The following MAPK13 variants were observed in gnomAD, a reference collection of about 807,000 sequenced individuals.
MAPK13 encodes the protein mitogen-activated protein kinase 13, also known as MAP kinase 13.
Under a neutral mutation model 53.5 loss-of-function variants are expected in MAPK13, and 39 were observed. That is an observed-to-expected ratio of 0.73 (90% CI 0.56 to 0.95). MAPK13 has a LOEUF of 0.95. Among genes scored for constraint, MAPK13 ranks in the 40% least tolerant of loss-of-function variants. The probability of loss-of-function intolerance (pLI) is 0.00; values close to 1 mark genes in which losing one functional copy is unlikely to be tolerated. For missense variants in MAPK13, 460 were observed against 471.8 expected (o/e 0.98, Z 0.23); for synonymous variants, 179 against 190.9 (o/e 0.94, Z 0.51).
At chr6:36,131,888 A>G (rs570363990) in intron 2 of MAPK13, among the ~76,000 whole-genome samples, 1 of 152,312 alleles carries the variant, frequency 6.6e-6, no homozygotes, top group South Asian at 2.1e-4. Context: ...AGGCTCACAG[A>G]TTAGATGGTT....
chr6:36,136,061 T>G lies in MAPK13; in HGVS notation c.447+13T>G, dbSNP rs1048157304. ...GGTCGTGCACAGGGTGAGTGCTTTC[T>G]CTGCCATGGTCCTCAGAGGCCCCTG... On this transcript the variant is annotated intron_variant, in intron 5 of 11. Transcript: ENST00000211287. 1.9e-6 allele frequency: 3 copies of G among 1,614,058 alleles called. No homozygotes were observed. The highest frequency in any genetic ancestry group is 1.1e-5 in the South Asian group (1 of 91,080).
chr6:36,135,530 G>A (rs1040071548), intron 3 of MAPK13, among the ~76,000 whole-genome samples: 1 of 152,200 alleles, frequency 6.6e-6, no homozygotes, highest in Non-Finnish European at 1.5e-5. Context: ...CAACTGCAGC[G>A]CTTACTCCGA....
At position 36,140,671 on chromosome 6, in the gene MAPK13, T is replaced by G. The variant is rs770293036; in HGVS notation, c.*1298T>G. The G allele has an allele frequency of 2.6e-5, 4 of 152,634 alleles. No homozygotes were observed. The highest frequency in any genetic ancestry group is 4.8e-5 in the African/African-American group (2 of 41,442). 9.5% of individuals were successfully genotyped at this position (152,634 alleles called of 1,614,324 possible). A position where few individuals can be genotyped will look rare whatever the true frequency, so the allele number is the denominator to read the frequency against. ...TTTAGTGGATTTCAGTCATACTTGA[T>G]TTGTTGGGAGGCCTAAATCAAAAAC... On this transcript the variant is annotated 3_prime_UTR_variant, in exon 12 of 12. Transcript: ENST00000211287.
rs768062822 is a variant in MAPK13 at position 36,141,519 on chromosome 6, C to T, written c.*2146C>T. 2.0e-5 allele frequency: 3 copies of T among 152,006 alleles called. No individual in the cohort carries two copies. The highest frequency in any genetic ancestry group is 4.4e-5 in the Non-Finnish European group (3 of 68,016). The allele number at this position is 152,006 out of a possible 1,614,324, so 9.4% of individuals were successfully genotyped here. A position where few individuals can be genotyped will look rare whatever the true frequency, so the allele number is the denominator to read the frequency against. On this transcript the variant is annotated 3_prime_UTR_variant, in exon 12 of 12. Transcript: ENST00000211287. Reference sequence around the variant, plus strand: ...TGAAACCCCATCTCTACCAAAAATACAAAAATTAGCTGGGCTTGGTGGTGC... The same window carrying T: ...TGAAACCCCATCTCTACCAAAAATATAAAAATTAGCTGGGCTTGGTGGTGC...
At position 36,139,073 on chromosome 6, in the gene MAPK13, G is replaced by A. The variant is rs762955935; in HGVS notation, c.1018+18G>A. The A allele has an allele frequency of 1.7e-5, 26 of 1,560,802 alleles. No homozygotes were observed. The highest frequency in any genetic ancestry group is 2.3e-5 in the Non-Finnish European group (26 of 1,154,190). Reference sequence around the variant, plus strand: ...ATGGAAGCGTAAGAGCTGGGGCCTCGGGCTTCCTCGCCTCCGCCTGCAGCC... The same window carrying A: ...ATGGAAGCGTAAGAGCTGGGGCCTCAGGCTTCCTCGCCTCCGCCTGCAGCC... On this transcript the variant is annotated intron_variant, in intron 11 of 11. Transcript: ENST00000211287.
At chr6:36,136,142 A>T in intron 5 of MAPK13, 94 bp downstream of exon 5, 4 of 1,489,746 alleles carry the variant, frequency 2.7e-6, no homozygotes, top group Non-Finnish European at 3.7e-6. Context: ...AGTTGGAGGG[A>T]GGGGACACTG....
At chr6:36,131,160 G>A in intron 1 of MAPK13, 111 bp from the exon 2 acceptor site, 1 of 1,297,640 alleles carries the variant, frequency 7.7e-7, no homozygotes, top group Non-Finnish European at 1.0e-6. Context: ...TATTCTAGGT[G>A]GTGGGCCTAG....
chr6:36,135,794 T>C lies in MAPK13; in HGVS notation c.350T>C (p.Ile117Thr). Residue 117 changes from isoleucine (I) to threonine (T), a missense_variant, in exon 4 of 12, where the codon ATC (isoleucine) becomes ACC (threonine). Physicochemically the swap from Ile to Thr is moderately conservative, Grantham distance 89 (BLOSUM62 -1). Coordinates refer to ENST00000211287, the MANE Select transcript of MAPK13 (RefSeq NM_002754.5). ...MPFMQTDLQK[I>T]MGMEFSEEKI... Reference sequence around the variant, plus strand: ...TTCATGCAGACGGATCTGCAGAAGATCATGGGGATGGAGTTCAGTGAGGAG... The same window carrying C: ...TTCATGCAGACGGATCTGCAGAAGACCATGGGGATGGAGTTCAGTGAGGAG... 1 of 1,614,010 alleles carries C rather than the reference T, an allele frequency of 6.2e-7. No individual in the cohort carries two copies. The highest frequency in any genetic ancestry group is 8.5e-7 in the Non-Finnish European group (1 of 1,179,946).
Position 36,132,769 on chromosome 6 carries a change from C to T in MAPK13, c.308+90C>T, listed in dbSNP as rs554707509. 1.9e-5 allele frequency: 26 copies of T among 1,367,970 alleles called. No individual in the cohort carries two copies. In the East Asian group the frequency reaches 2.5e-4, roughly 13 times the overall value. The allele number at this position is 1,367,970 out of a possible 1,614,324, so 84.7% of individuals were successfully genotyped here. A position where few individuals can be genotyped will look rare whatever the true frequency, so the allele number is the denominator to read the frequency against. On this transcript the variant is annotated intron_variant, in intron 3 of 11. Transcript: ENST00000211287. ...GGGGGAGGGTCTAGGGTTTCTATTC[C>T]GGGTGTGGCGGGGAGAGCCTCCTTC...
Position 36,136,210 on chromosome 6 carries a change from CAA to C in MAPK13, c.447+165_447+166del, listed in dbSNP as rs550061910. ...CAGCCACGGCCCAGGAAGGCCTGCT[CAA>C]AAGAGTCACTGTGTCCCAGGGGACT... On this transcript the variant is annotated intron_variant, in intron 5 of 11. Transcript: ENST00000211287. Among the ~76,000 whole-genome samples the C allele has an allele frequency of 3.3e-5, 5 of 152,318 alleles. No individual in the cohort carries two copies. In the South Asian group the frequency reaches 8.3e-4, roughly 25 times the overall value.
intron 8 of MAPK13, 124 bp from the exon 9 acceptor site, chr6:36,138,241 T>C: frequency 4.3e-6 from 3 of 704,708 alleles, no homozygotes; most frequent in South Asian, 3.2e-5. Context: ...AGGAGGTGGT[T>C]AGGCAGGGCT....
Position 36,130,928 on chromosome 6 carries a change from A to C in MAPK13, c.119+227A>C. On this transcript the variant is annotated intron_variant, in intron 1 of 11. Coordinates refer to ENST00000211287, the MANE Select transcript of MAPK13 (RefSeq NM_002754.5). This position sits in a 1 kb window ranked among gnomAD's most constrained non-coding sequence, Gnocchi z 4.5. ...TGGGCCTGGTTCTCCAGGACTGTAC[A>C]CTTGCAAGACCCCAGAGTTCATCGG... 1.9e-6 allele frequency: 1 copy of C among 514,250 alleles called. No homozygotes were observed. Among genetic ancestry groups the C allele is most frequent in the African/African-American group, 2.0e-5 (1 of 50,696 alleles). The allele number at this position is 514,250 out of a possible 1,614,324, so 31.9% of individuals were successfully genotyped here. A position where few individuals can be genotyped will look rare whatever the true frequency, so the allele number is the denominator to read the frequency against.
Position 36,138,798 on chromosome 6 carries a change from C to A in MAPK13, c.841+18C>A, listed in dbSNP as rs1389129176. On this transcript the variant is annotated intron_variant, in intron 10 of 11. Transcript: ENST00000211287. ...CCCCCAGGGTGAGTCTCAGAGCCCGCTCCCCAGGGGCCTCTCAGCGTATCC... is the reference window on the plus strand; with the variant it reads ...CCCCCAGGGTGAGTCTCAGAGCCCGATCCCCAGGGGCCTCTCAGCGTATCC... The A allele has an allele frequency of 1.9e-6, 3 of 1,614,082 alleles. No homozygotes were observed. Among genetic ancestry groups the A allele is most frequent in the Non-Finnish European group, 2.5e-6 (3 of 1,179,954 alleles).
rs757115619 is a variant in MAPK13, at chr6:36,142,156, C to G, written c.*2783C>G. Reference sequence around the variant, plus strand: ...GTGGGACACCAGTCCTGGGATCCACCGTAAGGTTCATTCTGCATTCACAGG... The same window carrying G: ...GTGGGACACCAGTCCTGGGATCCACGGTAAGGTTCATTCTGCATTCACAGG... On this transcript the variant is annotated 3_prime_UTR_variant, in exon 12 of 12. Transcript: ENST00000211287. The surrounding 1 kb of genome is among the most constrained non-coding windows in gnomAD (Gnocchi z 4.4). 3 of 152,278 alleles carry G rather than the reference C, an allele frequency of 2.0e-5. No homozygotes were observed. Among genetic ancestry groups the G allele is most frequent in the Non-Finnish European group, 4.4e-5 (3 of 68,084 alleles). The allele number at this position is 152,278 out of a possible 1,614,324, so 9.4% of individuals were successfully genotyped here.
In MAPK13 at chr6:36,136,726, G is replaced by A. The variant is rs769204580; in HGVS notation, c.566G>A (p.Arg189Gln). Residue 189 changes from arginine (R) to glutamine (Q), a missense_variant, in exon 7 of 12, where the codon CGA becomes CAA. Arg to Gln is a conservative substitution (Grantham distance 43). Transcript: ENST00000211287. ...GGCTACGTGGTGACCCGCTGGTACCGAGCCCCCGAGGTGATCCTCAGCTGG... is the reference window on the plus strand; with the variant it reads ...GGCTACGTGGTGACCCGCTGGTACCAAGCCCCCGAGGTGATCCTCAGCTGG... ...MTGYVVTRWY[R>Q]APEVILSWMH... The A allele has an allele frequency of 1.9e-6, 3 of 1,614,016 alleles. No homozygotes were observed. The highest frequency in any genetic ancestry group is 2.5e-6 in the Non-Finnish European group (3 of 1,179,942).
rs962911652 is a variant in MAPK13 at position 36,141,399 on chromosome 6, C to T, written c.*2026C>T. ...TCTAAAAAATAAACCACAGGCCGGT[C>T]GCAGTAGCTCACGCCTGTAATCCCA... On this transcript the variant is annotated 3_prime_UTR_variant, in exon 12 of 12. Transcript: ENST00000211287. 3 of 152,160 alleles carry T rather than the reference C, an allele frequency of 2.0e-5. No individual in the cohort carries two copies. Among genetic ancestry groups the T allele is most frequent in the African/African-American group, 4.8e-5 (2 of 41,422 alleles). The allele number at this position is 152,160 out of a possible 1,614,324, so 9.4% of individuals were successfully genotyped here.
Position 36,130,687 on chromosome 6 carries a change from C to T in MAPK13, c.105C>T (p.Ala35=). Residue 35 remains alanine (A), a synonymous_variant, in exon 1 of 12, where the codon GCC becomes GCT. Transcript: ENST00000211287. This position sits in a 1 kb window ranked among gnomAD's most constrained non-coding sequence, Gnocchi z 4.5. ...YVSPTHVGSG[A]YGSVCSAIDK... ...CCCCGACGCACGTCGGCAGCGGGGC[C>T]TATGGCTCCGTGTGGTGAGACCCCT... 1 of 1,553,420 alleles carries T rather than the reference C, an allele frequency of 6.4e-7. No individual in the cohort carries two copies. The highest frequency in any genetic ancestry group is 8.7e-7 in the Non-Finnish European group (1 of 1,149,698).
At position 36,132,641 on chromosome 6, in the gene MAPK13, C is replaced by T; in HGVS notation, c.270C>T (p.Val90=). The T allele has an allele frequency of 6.2e-7, 1 of 1,614,184 alleles. No homozygotes were observed. The highest frequency in any genetic ancestry group is 8.5e-7 in the Non-Finnish European group (1 of 1,180,030). Residue 90 remains valine, a synonymous_variant, in exon 3 of 12, where the codon GTC becomes GTT. Coordinates refer to ENST00000211287, the MANE Select transcript of MAPK13 (RefSeq NM_002754.5). ...QHENVIGLLD[V]FTPASSLRNF... is the part of the protein sequence containing the mutation. ...CCCAGGTCATTGGGCTCCTGGATGT[C>T]TTCACCCCAGCCTCCTCCCTGCGCA...
Position 36,138,895 on chromosome 6 carries a change from G to C in MAPK13, c.858G>C (p.Glu286Asp). 6.2e-7 allele frequency: 1 copy of C among 1,610,746 alleles called. No homozygotes were observed. Among genetic ancestry groups the C allele is most frequent in the Non-Finnish European group, 8.5e-7 (1 of 1,178,524 alleles). ...CCCCTGCAGCTGCGGACCTGCTGGAGAAGATGCTGGAGCTAGACGTGGACA... is the reference window on the plus strand; with the variant it reads ...CCCCTGCAGCTGCGGACCTGCTGGACAAGATGCTGGAGCTAGACGTGGACA... ...RASPQAADLL[E>D]KMLELDVDKR... Residue 286 changes from glutamate (E) to aspartate (D), a missense_variant, in exon 11 of 12, where the codon GAG becomes GAC. By Grantham distance (45) the Glu-to-Asp change is conservative. Transcript: ENST00000211287.
Sources: allele counts gnomAD v4.1 joint callset (sites outside exome capture counted in the v4.1 genomes callset), GRCh38; gene constraint gnomAD v4.1.1; non-coding constraint Gnocchi (gnomAD v3.1); transcripts MANE v1.5; gene names NCBI Gene and HGNC (gene_info 2026-07-23, HGNC 2026-07-21).